Variants in TMC3 observed in about 807,000 individuals in gnomAD.
TMC3 encodes transmembrane channel like 3, also known as transmembrane channel-like protein 3.
Under a neutral mutation model 110.6 loss-of-function variants are expected in TMC3, and 98 were observed. The observed-to-expected ratio is 0.89, with a 90% CI of 0.75 to 1.05. The LOEUF is 1.05. Among genes scored for constraint, TMC3 ranks in the 50% least tolerant of loss-of-function variants. TMC3 has a pLI of 0.00. For synonymous variants in TMC3, 489 were observed against 513.1 expected, an observed-to-expected ratio of 0.95 and a Z score of 0.63; for missense variants, 1,319 against 1,373.2, an observed-to-expected ratio of 0.96 and a Z score of 0.62.
chr15:81,374,189 CT>C lies in TMC3; in HGVS notation c.-113del. On this transcript the variant is annotated 5_prime_UTR_variant, in exon 1 of 22. Transcript: ENST00000359440. Reference sequence around the variant, plus strand: ...GAAGCAGCGGAGTTTGCTCTGCCCGCTAGTTCTCAGGAAGAAGACTGTGTGC... The same window carrying C: ...GAAGCAGCGGAGTTTGCTCTGCCCGCAGTTCTCAGGAAGAAGACTGTGTGC... 1.2e-6 allele frequency: 1 copy of C among 833,064 alleles called. No homozygotes were observed. The highest frequency in any genetic ancestry group is 2.0e-5 in the Admixed American group (1 of 48,792). The allele number at this position is 833,064 out of a possible 1,614,324, so 51.6% of individuals were successfully genotyped here.
Position 81,334,834 on chromosome 15 carries a change from C to T in TMC3, c.2345G>A (p.Gly782Asp), listed in dbSNP as rs1893555612. 1 of 1,614,056 alleles carries T rather than the reference C, an allele frequency of 6.2e-7. No individual in the cohort carries two copies. The highest frequency in any genetic ancestry group is 8.5e-7 in the Non-Finnish European group (1 of 1,179,900). The stretch of plus-strand genomic sequence containing the variant: ...GGACTGTGCGACTGTCTCTATCCTG[C>T]CACTCTTGCTGCTCCCTGAGTCAAA... The part of the protein sequence containing the change: ...AHFDSGSSKS[G>D]RIETVAQSMP... Residue 782 changes from glycine to aspartate, a missense_variant, in exon 21 of 22, where the codon GGC (glycine) becomes GAC (aspartate). Transcript: ENST00000359440.
In TMC3 at chr15:81,358,172, G is replaced by A; in HGVS notation, c.720C>T (p.Tyr240=). The change falls in exon 7 of 22, where the codon TAC becomes TAT. Residue 240 remains tyrosine (Y), a synonymous_variant. Transcript: ENST00000359440. The part of the protein sequence containing the change: ...YFLVGMAVFA[Y]SFIILLKKMA... ...ACTTTTTTAAAAGAATGATGAAGCT[G>A]TAAGCAAACACTGCCATCCCCACTA... 1 of 1,605,348 alleles carries A rather than the reference G, an allele frequency of 6.2e-7. No individual in the cohort carries two copies. The highest frequency in any genetic ancestry group is 1.1e-5 in the South Asian group (1 of 89,444).
rs139922591 is a variant in TMC3 at position 81,356,578 on chromosome 15, G to A, written c.760C>T (p.Arg254Cys). 1.4e-5 allele frequency: 23 copies of A among 1,588,024 alleles called. No homozygotes were observed. In the East Asian group the frequency reaches 1.8e-4, roughly 13 times the overall value. ...TTGGAAGCACTGGCAAGACTCGTGC[G>A]GGAGTTCTTAGCCATCCTGCAAAAG... ...ILLKKMAKNSRTSLASASNEN... is the reference protein window; with the variant it reads ...ILLKKMAKNSCTSLASASNEN... The change falls in exon 8 of 22, where the codon CGC becomes TGC. Residue 254 changes from arginine (R) to cysteine (C), a missense_variant. Physicochemically the swap from Arg to Cys is radical, Grantham distance 180. Transcript: ENST00000359440.
chr15:81,362,203 C>A lies in TMC3; in HGVS notation c.394+17G>T, dbSNP rs990675330. Reference sequence around the variant, plus strand: ...AGCATTGCATTCCTGCCCCACTCTCCAGGTGTAAATACTTACTCTCGATTT... The same window carrying A: ...AGCATTGCATTCCTGCCCCACTCTCAAGGTGTAAATACTTACTCTCGATTT... On this transcript the variant is annotated intron_variant, in intron 4 of 21. Transcript: ENST00000359440. 7 of 1,590,710 alleles carry A rather than the reference C, an allele frequency of 4.4e-6. No individual in the cohort carries two copies. The African/African-American group carries it at 9.4e-5, about 21-fold the overall frequency.
In TMC3 at chr15:81,343,347, T is replaced by G. The variant is rs752135646; in HGVS notation, c.1648-2A>C. 3.1e-6 allele frequency: 5 copies of G among 1,602,512 alleles called. No individual in the cohort carries two copies. Among genetic ancestry groups the G allele is most frequent in the Admixed American group, 3.3e-5 (2 of 59,974 alleles). ...TATTTTGAATTCTCCATATTCAGGCTACAAGAGAAAATAAACTTGTGCATT... is the reference window on the plus strand; with the variant it reads ...TATTTTGAATTCTCCATATTCAGGCGACAAGAGAAAATAAACTTGTGCATT... On this transcript the variant is annotated splice_acceptor_variant, in intron 14 of 21. Coordinates refer to ENST00000359440, the MANE Select transcript of TMC3 (RefSeq NM_001080532.3). LOFTEE classifies it high-confidence loss of function.
chr15:81,337,622 G>A lies in TMC3; in HGVS notation c.2160+224C>T, dbSNP rs1893625651. ...GGCAGCTGCAAGGCCTCTTGAGGAG[G>A]AAGAAAAACAGGAGCAGGCTTCCTC... On this transcript the variant is annotated intron_variant, in intron 19 of 21. Transcript: ENST00000359440. 5.0e-6 allele frequency: 3 copies of A among 602,252 alleles called. 1 individual carries two copies. In the South Asian group the frequency reaches 5.8e-5, roughly 12 times the overall value. 37.3% of individuals were successfully genotyped at this position (602,252 alleles called of 1,614,324 possible). A position where few individuals can be genotyped will look rare whatever the true frequency, so the allele number is the denominator to read the frequency against.
intron 9 of TMC3, among the ~76,000 whole-genome samples, chr15:81,353,542 T>A (rs6495566): frequency 0.16 from 23,829 of 152,176 alleles, 3,563 homozygotes; most frequent in African/African-American, 0.4. Flanking sequence ...TACCTTTCTA[T>A]GTCTAGATAT....
At chr15:81,370,795 C>T (rs1894417170) in intron 2 of TMC3, among the ~76,000 whole-genome samples, 2 of 151,866 alleles carry the variant, frequency 1.3e-5, no homozygotes, top group African/African-American at 2.4e-5. Flanking sequence ...CTGCCTCAGC[C>T]TCCCGAATAG....
intron 14 of TMC3, 71 bp from the exon 15 acceptor site, chr15:81,343,416 C>A: frequency 3.0e-6 from 3 of 984,424 alleles, no homozygotes; most frequent in Non-Finnish European, 4.9e-6. Flanking sequence ...TAATTACAGA[C>A]ACCTATATAG....
intron 15 of TMC3, among the ~76,000 whole-genome samples, chr15:81,342,234 G>A (rs558107213): frequency 1.5e-4 from 23 of 152,302 alleles, no homozygotes; most frequent in Middle Eastern, 3.4e-3. Flanking sequence ...TATTGGATAC[G>A]TATTCAATCT....
chr15:81,340,224 G>GTCTC (rs5814056), intron 16 of TMC3, among the ~76,000 whole-genome samples: 1,895 of 148,348 alleles, frequency 0.013, 20 homozygotes, highest in Middle Eastern at 0.014. Context: ...CTCTGTCTCT[G>GTCTC]TCTCTCTCTC....
intron 9 of TMC3, among the ~76,000 whole-genome samples, chr15:81,353,312 T>A (rs1438135796): frequency 1.3e-5 from 2 of 152,246 alleles, no homozygotes; most frequent in Admixed American, 1.3e-4. Context: ...CTAAGATTAA[T>A]TTATTATTAA....
At chr15:81,341,595 G>C (rs1893718085) in intron 15 of TMC3, 77 bp from the exon 16 acceptor site, 12 of 1,495,560 alleles carry the variant, frequency 8.0e-6, no homozygotes, top group Non-Finnish European at 1.1e-5. Context: ...CCCCATGCAG[G>C]AACATGGTTC....
At chr15:81,339,373 A>G (rs1266949004) in intron 17 of TMC3, 21 bp downstream of exon 17, 1 of 1,551,236 alleles carries the variant, frequency 6.4e-7, no homozygotes, top group Non-Finnish European at 8.8e-7. Context: ...CACTCCGGGC[A>G]GAGCTGGGAA....
chr15:81,339,380 G>C lies in TMC3; in HGVS notation c.1955+14C>G. ...CTGTCAGTCACTCCGGGCAGAGCTG[G>C]GAACGAAACTTACCTGAATGGCCCA... On this transcript the variant is annotated intron_variant, in intron 17 of 21. Transcript: ENST00000359440. 6.3e-7 allele frequency: 1 copy of C among 1,586,468 alleles called. No homozygotes were observed. Among genetic ancestry groups the C allele is most frequent in the Non-Finnish European group, 8.6e-7 (1 of 1,160,344 alleles).
intron 4 of TMC3, chr15:81,361,858 T>C (rs1894194158): frequency 6.2e-6 from 1 of 162,072 alleles, no homozygotes; most frequent in Non-Finnish European, 1.3e-5. Flanking sequence ...TCTATAAAAA[T>C]GCAGATTTTT....
chr15:81,356,319 G>T, intron 8 of TMC3, 128 bp downstream of exon 8: 1 of 949,664 alleles, frequency 1.1e-6, no homozygotes, highest in Non-Finnish European at 1.4e-6. Flanking sequence ...ACCTCACTTT[G>T]GAAACAACTG....
At chr15:81,338,062 G>A (rs369682232) in intron 18 of TMC3, 138 bp from the exon 19 acceptor site, 22 of 675,846 alleles carry the variant, frequency 3.3e-5, no homozygotes, top group African/African-American at 1.8e-4. Context: ...CTCCGCTAAG[G>A]ACAAAATGTA....
At chr15:81,364,360 GA>G (rs1179481541) in intron 3 of TMC3, among the ~76,000 whole-genome samples, 2 of 152,022 alleles carry the variant, frequency 1.3e-5, no homozygotes, top group Non-Finnish European at 2.9e-5. Context: ...AGGCATGGGG[GA>G]AAAAGTTTCA....
Sources: allele counts gnomAD v4.1 joint callset (sites outside exome capture counted in the v4.1 genomes callset), GRCh38; gene constraint gnomAD v4.1.1; transcripts MANE v1.5; gene names NCBI Gene and HGNC (gene_info 2026-07-23, HGNC 2026-07-21).